The following CEP104 variants were observed in gnomAD, a reference collection of about 807,000 sequenced individuals.
CEP104 encodes the protein centrosomal protein 104.
Under a neutral mutation model 113.3 loss-of-function variants are expected in CEP104, and 84 were observed. The observed-to-expected ratio is 0.74, with a 90% CI of 0.62 to 0.89. CEP104 has a LOEUF of 0.89. Among genes scored for constraint, CEP104 ranks in the 40% least tolerant of loss-of-function variants. CEP104 has a pLI of 0.00. For missense variants in CEP104, 1,053 were observed against 1,156.6 expected, an observed-to-expected ratio of 0.91 and a Z score of 1.30; for synonymous variants, 378 against 421.7, an observed-to-expected ratio of 0.90 and a Z score of 1.27.
intron 15 of CEP104, among the ~76,000 whole-genome samples, chr1:3,828,919 A>G (rs573610390): frequency 6.6e-6 from 1 of 152,300 alleles, no homozygotes; most frequent in East Asian, 1.9e-4. Context: ...CTGAAGTCAG[A>G]CCTTTATAGT....
chr1:3,847,713 T>A lies in CEP104; in HGVS notation c.288-100A>T, dbSNP rs1216997503. ...CAATAGGCTCATTTATGTTTATTGTTTTATTTTTTAAAGCTAGACTACCCC... is the reference window on the plus strand; with the variant it reads ...CAATAGGCTCATTTATGTTTATTGTATTATTTTTTAAAGCTAGACTACCCC... On this transcript the variant is annotated intron_variant, in intron 3 of 21. Coordinates refer to ENST00000378230, the MANE Select transcript of CEP104 (RefSeq NM_014704.4). 9 of 1,294,674 alleles carry A rather than the reference T, an allele frequency of 7.0e-6. No homozygotes were observed. In the East Asian group the frequency reaches 2.1e-4, roughly 30 times the overall value. 80.2% of individuals were successfully genotyped at this position (1,294,674 alleles called of 1,614,324 possible). A position where few individuals can be genotyped will look rare whatever the true frequency, so the allele number is the denominator to read the frequency against.
At chr1:3,847,634 G>A (rs1250660341) in intron 3 of CEP104, 21 bp from the exon 4 acceptor site, 3 of 1,613,596 alleles carry the variant, frequency 1.9e-6, no homozygotes, top group Non-Finnish European at 2.5e-6. Flanking sequence ...AAACACAACT[G>A]AAGAATTTGA....
In CEP104 at chr1:3,839,062, C is replaced by T. The variant is rs1557681023; in HGVS notation, c.793G>A (p.Asp265Asn). ...TTCTTCTCCTTGGCGAGATCGTAGT[C>T]TTCCTTCTCCACGGCACAGCGTTTC... ...VEKRCAVEKE[D>N]YDLAKEKKQQ... The change falls in exon 8 of 22, where the codon GAC becomes AAC. Residue 265 changes from aspartate (D) to asparagine (N), a missense_variant. Asp to Asn is a conservative substitution (Grantham distance 23). Coordinates refer to ENST00000378230, the MANE Select transcript of CEP104 (RefSeq NM_014704.4). 1.2e-6 allele frequency: 2 copies of T among 1,614,158 alleles called. No individual in the cohort carries two copies. The highest frequency in any genetic ancestry group is 2.7e-5 in the African/African-American group (2 of 75,038).
intron 13 of CEP104, among the ~76,000 whole-genome samples, chr1:3,830,642 G>A (rs781077619): frequency 6.6e-6 from 1 of 151,996 alleles, no homozygotes; most frequent in Non-Finnish European, 1.5e-5. Flanking sequence ...GGGCATGGTG[G>A]TGGGCATCCT....
chr1:3,836,775 C>A (rs753179733), intron 9 of CEP104, 83 bp from the exon 10 acceptor site: 10 of 1,189,922 alleles, frequency 8.4e-6, no homozygotes, highest in East Asian at 4.8e-5. Context: ...GGCAGGCTTA[C>A]TGCGCTTACT....
intron 2 of CEP104, among the ~76,000 whole-genome samples, chr1:3,850,735 G>A (rs1644595169): frequency 6.6e-6 from 1 of 152,140 alleles, no homozygotes; most frequent in African/African-American, 2.4e-5. Context: ...AAACCCAGTG[G>A]GAGTCTGTGG....
intron 1 of CEP104, among the ~76,000 whole-genome samples, chr1:3,854,543 A>C (rs1286902496): frequency 6.6e-6 from 1 of 151,334 alleles, no homozygotes. Context: ...ATCTGGGCTC[A>C]TTGTAACCTC....
At position 3,836,558 on chromosome 1, in the gene CEP104, C is replaced by T. The variant is rs1036252482; in HGVS notation, c.1254G>A (p.Glu418=). The T allele has an allele frequency of 5.7e-6, 9 of 1,570,552 alleles. No homozygotes were observed. The highest frequency in any genetic ancestry group is 7.8e-6 in the Non-Finnish European group (9 of 1,160,534). Residue 418 remains glutamate, a synonymous_variant, in exon 10 of 22, where the codon GAG becomes GAA. Coordinates refer to ENST00000378230, the MANE Select transcript of CEP104 (RefSeq NM_014704.4). ...CTCTCAAGGCCTTCTCGGTTAAGGG[C>T]TCTGGCTCCCCTAACATGCCTCCCC... is the stretch of plus-strand genomic sequence containing the variant. ...ARRGGMLGEP[E]PLTEKALREA...
intron 12 of CEP104, among the ~76,000 whole-genome samples, chr1:3,832,793 G>A (rs6684560): frequency 0.91 from 137,692 of 152,082 alleles, 63,009 homozygotes; most frequent in Middle Eastern, 0.97. Flanking sequence ...CAAGCCTCTC[G>A]CCTCGGCCTT....
intron 21 of CEP104, among the ~76,000 whole-genome samples, 158 bp from the exon 22 acceptor site, chr1:3,815,675 C>T (rs1481234518): frequency 2.8e-5 from 4 of 142,936 alleles, no homozygotes; most frequent in Non-Finnish European, 6.0e-5. Context: ...GTAGGGTCTA[C>T]TCTTCAGCTT....
chr1:3,828,735 A>G (rs1644141518), intron 15 of CEP104, among the ~76,000 whole-genome samples: 1 of 152,166 alleles, frequency 6.6e-6, no homozygotes, highest in Admixed American at 6.5e-5. Context: ...AAACTTCATC[A>G]TAAAATTAGT....
chr1:3,835,731 G>A (rs934127887), intron 10 of CEP104, among the ~76,000 whole-genome samples: 1 of 152,132 alleles, frequency 6.6e-6, no homozygotes, highest in African/African-American at 2.4e-5. Context: ...CTTTTGCGCT[G>A]GAATTAGCTG....
intron 2 of CEP104, among the ~76,000 whole-genome samples, chr1:3,851,502 G>A (rs1644610635): frequency 6.6e-6 from 1 of 152,158 alleles, no homozygotes. Flanking sequence ...TGACGAGGTG[G>A]GATGGGGTGG....
At position 3,817,457 on chromosome 1, in the gene CEP104, C is replaced by A. The variant is rs534752021; in HGVS notation, c.2572-1087G>T. On this transcript the variant is annotated intron_variant, in intron 20 of 21. Transcript: ENST00000378230. The stretch of plus-strand genomic sequence containing the variant: ...TCCCTGGTTCCTCTCTCACTCTCAC[C>A]AGTGGCTGTCAGTTTCTGGCCACCT... Among the ~76,000 whole-genome samples the A allele has an allele frequency of 3.8e-3, 572 of 152,302 alleles. 3 individuals carry two copies. The highest frequency in any genetic ancestry group is 0.034 in the Middle Eastern group (10 of 294).
chr1:3,856,371 G>C (rs1178696925), intron 1 of CEP104, among the ~76,000 whole-genome samples: 1 of 152,240 alleles, frequency 6.6e-6, no homozygotes. Flanking sequence ...GACAGAGCGA[G>C]ACCGTCTCAA....
In CEP104 at chr1:3,825,812, A is replaced by T. The variant is rs774213533; in HGVS notation, c.2310T>A (p.Asp770Glu). The change falls in exon 18 of 22, where the codon GAT becomes GAA. Residue 770 changes from aspartate to glutamate, a missense_variant. Transcript: ENST00000378230. ...TGAGACAGTGCTTCCAGTAGTGGAG[A>T]TCCAGACCTTCCTCTGTGAAGGATT... ...RSESFTEEGL[D>E]LHYWKHCLML... 2.5e-6 allele frequency: 4 copies of T among 1,613,954 alleles called. No homozygotes were observed. The highest frequency in any genetic ancestry group is 3.4e-6 in the Non-Finnish European group (4 of 1,179,932).
intron 20 of CEP104, chr1:3,822,965 T>C: frequency 1.7e-6 from 1 of 594,002 alleles, no homozygotes; most frequent in Non-Finnish European, 3.0e-6. Flanking sequence ...CGATAAACCA[T>C]TCATAAATGT....
chr1:3,826,362 C>T lies in CEP104; in HGVS notation c.2255+8G>A, dbSNP rs377689419. ...ATCGTACAATGGGTGGAAGACAGCG[C>T]GACTTACTTATCTAGATAGTGCTCA... On this transcript the variant is annotated splice_region_variant and intron_variant, in intron 17 of 21. Coordinates refer to ENST00000378230, the MANE Select transcript of CEP104 (RefSeq NM_014704.4). The T allele has an allele frequency of 1.9e-5, 30 of 1,613,182 alleles. No homozygotes were observed. Among genetic ancestry groups the T allele is most frequent in the African/African-American group, 1.2e-4 (9 of 74,874 alleles).
In CEP104 at chr1:3,845,975, A is replaced by G. The variant is rs546680473; in HGVS notation, c.427-624T>C. Among the ~76,000 whole-genome samples the G allele has an allele frequency of 1.3e-4, 19 of 150,370 alleles. No individual in the cohort carries two copies. In the South Asian group the frequency reaches 3.6e-3, roughly 29 times the overall value. ...ATGCCTGTAATCCCAGCTACTCAGG[A>G]GGCTGAGGCAGGAGAATTGTTTGAA... On this transcript the variant is annotated intron_variant, in intron 4 of 21. Coordinates refer to ENST00000378230, the MANE Select transcript of CEP104 (RefSeq NM_014704.4).
Sources: allele counts gnomAD v4.1 joint callset (sites outside exome capture counted in the v4.1 genomes callset), GRCh38; gene constraint gnomAD v4.1.1; transcripts MANE v1.5; gene names NCBI Gene and HGNC (gene_info 2026-07-23, HGNC 2026-07-21).